Variants in MGST1 observed in about 807,000 individuals in gnomAD.
MGST1 encodes glutathione S-transferase 12.
MGST1 carries 5 observed loss-of-function variants against 8.9 expected under a neutral mutation model. The observed-to-expected ratio is 0.56, with a 90% CI of 0.29 to 1.19. MGST1 has a LOEUF of 1.19. Among genes scored for constraint, MGST1 ranks in the 50% most tolerant of loss-of-function variants. The probability of loss-of-function intolerance (pLI) is 0.08; values close to 1 mark genes in which losing one functional copy is unlikely to be tolerated. For missense variants in MGST1, 182 were observed against 187.4 expected (o/e 0.97, Z 0.17); for synonymous variants, 54 against 67.8 (o/e 0.80, Z 1.00).
At chr12:16,373,482 T>C (rs1245105499) in intron 3 of MGST1, among the ~76,000 whole-genome samples, 1 of 152,008 alleles carries the variant, frequency 6.6e-6, no homozygotes, top group African/African-American at 2.4e-5. Context: ...TAGATTATAA[T>C]ATGATTGTAT....
chr12:16,485,166 T>G (rs1187383057), intron 4 of MGST1, among the ~76,000 whole-genome samples: 2 of 152,226 alleles, frequency 1.3e-5, no homozygotes, highest in African/African-American at 4.8e-5. Context: ...ACGCACATTC[T>G]ATGGACATTG....
At chr12:16,407,792 G>C (rs755839500) in intron 1 of MGST1, among the ~76,000 whole-genome samples, 6 of 152,072 alleles carry the variant, frequency 3.9e-5, no homozygotes, top group Admixed American at 1.3e-4. Flanking sequence ...CCAGCACATT[G>C]GGAGGCCAAG....
intron 4 of MGST1, among the ~76,000 whole-genome samples, chr12:16,446,313 G>A (rs1941079306): frequency 6.6e-6 from 1 of 151,914 alleles, no homozygotes; most frequent in South Asian, 2.1e-4. Flanking sequence ...TTGTCCAGGT[G>A]CAGTCTTTTC....
intron 1 of MGST1, among the ~76,000 whole-genome samples, chr12:16,411,592 A>T (rs977003841): frequency 6.6e-6 from 1 of 152,144 alleles, no homozygotes; most frequent in Admixed American, 6.6e-5. Context: ...AGGTAATGTG[A>T]CATGATAAAG....
At chr12:16,376,400 C>A in exon 4 of MGST1, 1 of 318,268 alleles carries the variant, frequency 3.1e-6, no homozygotes, top group Non-Finnish European at 5.7e-6. Context: ...TGACAAAAAT[C>A]TCCACGAATC....
intron 4 of MGST1, among the ~76,000 whole-genome samples, chr12:16,509,754 A>G (rs1202164054): frequency 6.6e-6 from 1 of 152,156 alleles, no homozygotes; most frequent in Admixed American, 6.6e-5. Flanking sequence ...TGTGCCTGAA[A>G]CAATCTTTAG....
At chr12:16,583,498 T>A (rs1190094028) in intron 4 of MGST1, among the ~76,000 whole-genome samples, 2 of 151,998 alleles carry the variant, frequency 1.3e-5, no homozygotes, top group East Asian at 3.9e-4. Flanking sequence ...ACACACAGAA[T>A]ACTGGAGGGA....
chr12:16,524,657 T>C (rs908153086), intron 4 of MGST1, among the ~76,000 whole-genome samples: 1 of 152,048 alleles, frequency 6.6e-6, no homozygotes, highest in African/African-American at 2.4e-5. Context: ...AATGGTCACT[T>C]TGTTTGTTCA....
rs200073692 is a variant in MGST1 at position 16,408,030 on chromosome 12, C to CAAAA, written n.778+24451_778+24454dup. On this transcript the variant is annotated intron_variant and non_coding_transcript_variant, in intron 1 of 1. Transcript: ENST00000359720. Reference sequence around the variant, plus strand: ...CTGGCAACAGAGCAAGACTCTGTCTCAAAAAAAAAAAAAAAAAAAAAAAAA... The same window carrying CAAAA: ...CTGGCAACAGAGCAAGACTCTGTCTCAAAAAAAAAAAAAAAAAAAAAAAAAAAAA... Among the ~76,000 whole-genome samples the CAAAA allele has an allele frequency of 9.3e-4, 41 of 44,088 alleles. 3 individuals carry two copies. The highest frequency in any genetic ancestry group is 1.9e-3 in the African/African-American group (35 of 18,466). 28.9% of individuals were successfully genotyped at this position (44,088 alleles called of 152,430 possible). A position where few individuals can be genotyped will look rare whatever the true frequency, so the allele number is the denominator to read the frequency against.
Position 16,589,549 on chromosome 12 carries a change from TAACC to T in MGST1, n.507_510del, listed in dbSNP as rs1236836658. ...TTAGGTTGCTGCAGAAGTCAAGAGCTAACCAAGAAGACAAGGAATGTAACATATT... is the reference window on the plus strand; with the variant it reads ...TTAGGTTGCTGCAGAAGTCAAGAGCTAAGAAGACAAGGAATGTAACATATT... On this transcript the variant is annotated non_coding_transcript_exon_variant, in exon 5 of 5. Coordinates refer to the MGST1 transcript ENST00000538857. The surrounding 1 kb of genome is among the most constrained non-coding windows in gnomAD (Gnocchi z 4.2). The T allele has an allele frequency of 1.3e-5, 2 of 152,106 alleles. No individual in the cohort carries two copies. Among genetic ancestry groups the T allele is most frequent in the African/African-American group, 4.8e-5 (2 of 41,430 alleles). 9.4% of individuals were successfully genotyped at this position (152,106 alleles called of 1,614,324 possible).
At chr12:16,504,356 C>G (rs1941523492) in intron 4 of MGST1, among the ~76,000 whole-genome samples, 1 of 152,168 alleles carries the variant, frequency 6.6e-6, no homozygotes. Flanking sequence ...ATTTCTCTTC[C>G]TTTACCACTT....
In MGST1 at chr12:16,559,160, G is replaced by A. The variant is rs1942298469; in HGVS notation, n.483-30368G>A. Among the ~76,000 whole-genome samples the A allele has an allele frequency of 6.6e-6, 1 of 152,102 alleles. No homozygotes were observed. Among genetic ancestry groups the A allele is most frequent in the East Asian group, 1.9e-4 (1 of 5,188 alleles). ...ATTTATTGATTATATACTCTGCCAG[G>A]TGTTCTCACAGAAAGTCAGTGAATT... On this transcript the variant is annotated intron_variant and non_coding_transcript_variant, in intron 4 of 4. Transcript: ENST00000538857. This position sits in a 1 kb window ranked among gnomAD's most constrained non-coding sequence, Gnocchi z 4.1.
chr12:16,479,797 A>C (rs1400852348), intron 4 of MGST1, among the ~76,000 whole-genome samples: 1 of 152,142 alleles, frequency 6.6e-6, no homozygotes, highest in Admixed American at 6.5e-5. Context: ...TGGCCTCCCA[A>C]AGTGCTGGGA....
intron 4 of MGST1, among the ~76,000 whole-genome samples, chr12:16,518,005 A>G (rs958450261): frequency 2.6e-5 from 4 of 152,244 alleles, no homozygotes; most frequent in Admixed American, 6.5e-5. Flanking sequence ...TGGTGGTCAC[A>G]CTGAGGTCTT....
chr12:16,408,975 C>A (rs1940718465), intron 1 of MGST1, among the ~76,000 whole-genome samples: 1 of 151,970 alleles, frequency 6.6e-6, no homozygotes, highest in African/African-American at 2.4e-5. Flanking sequence ...TTTTTTTCTG[C>A]AAATCTATTT....
intron 3 of MGST1, among the ~76,000 whole-genome samples, chr12:16,375,489 A>G (rs1397637402): frequency 1.3e-5 from 2 of 152,126 alleles, no homozygotes; most frequent in Non-Finnish European, 2.9e-5. Context: ...TAACAATTTG[A>G]TTAAACATAA....
In MGST1 at chr12:16,560,346, C is replaced by T. The variant is rs1453353147; in HGVS notation, n.483-29182C>T. The T allele has an allele frequency of 1.1e-5, 17 of 1,498,918 alleles. No homozygotes were observed. Among genetic ancestry groups the T allele is most frequent in the Middle Eastern group, 1.8e-4 (1 of 5,658 alleles). The allele number at this position is 1,498,918 out of a possible 1,614,324, so 92.9% of individuals were successfully genotyped here. A position where few individuals can be genotyped will look rare whatever the true frequency, so the allele number is the denominator to read the frequency against. ...TTAAATGTATGAATATAATTTCCACCTATTAAATAAATAGCCAGCACAGAG... is the reference window on the plus strand; with the variant it reads ...TTAAATGTATGAATATAATTTCCACTTATTAAATAAATAGCCAGCACAGAG... On this transcript the variant is annotated intron_variant and non_coding_transcript_variant, in intron 4 of 4. Coordinates refer to the MGST1 transcript ENST00000538857. This position sits in a 1 kb window ranked among gnomAD's most constrained non-coding sequence, Gnocchi z 5.0.
Position 16,544,088 on chromosome 12 carries a change from C to T in MGST1, n.483-45440C>T, listed in dbSNP as rs1206428583. Among the ~76,000 whole-genome samples, 1 of 151,986 alleles carries T rather than the reference C, an allele frequency of 6.6e-6. No individual in the cohort carries two copies. Among genetic ancestry groups the T allele is most frequent in the Non-Finnish European group, 1.5e-5 (1 of 67,962 alleles). Reference sequence around the variant, plus strand: ...GCTGCAGTTTTCAGGTTGAGTATTCCTTTCTGGAACAGTTCACAGCATCTT... The same window carrying T: ...GCTGCAGTTTTCAGGTTGAGTATTCTTTTCTGGAACAGTTCACAGCATCTT... On this transcript the variant is annotated intron_variant and non_coding_transcript_variant, in intron 4 of 4. Transcript: ENST00000538857. The surrounding 1 kb of genome is among the most constrained non-coding windows in gnomAD (Gnocchi z 4.8).
At chr12:16,520,261 T>C (rs921269490) in intron 4 of MGST1, among the ~76,000 whole-genome samples, 5 of 152,130 alleles carry the variant, frequency 3.3e-5, no homozygotes, top group African/African-American at 1.2e-4. Context: ...AAAACTAAAT[T>C]AGTGAAAGAA....
Sources: gnomAD v4.1 joint callset for allele counts (sites outside exome capture counted in the v4.1 genomes callset) on GRCh38, gnomAD v4.1.1 for gene constraint, Gnocchi (gnomAD v3.1) non-coding constraint, MANE v1.5 for transcripts, NCBI Gene and HGNC (gene_info 2026-07-23, HGNC 2026-07-21) for gene names.